The following MYOM1 variants were observed in gnomAD, a reference collection of about 807,000 sequenced individuals.
The protein encoded by MYOM1 is myomesin 1.
In MYOM1, 164 loss-of-function variants were observed where a neutral mutation model predicts 205.3. The ratio of observed to expected loss-of-function variants is 0.80; its 90% CI spans 0.70 to 0.91. The LOEUF is 0.91. Among genes scored for constraint, MYOM1 ranks in the 40% least tolerant of loss-of-function variants. The pLI, the probability that MYOM1 is intolerant of heterozygous loss-of-function variation, is 0.00. For synonymous variants in MYOM1, 772 were observed against 789.4 expected, an observed-to-expected ratio of 0.98 and a Z score of 0.37; for missense variants, 2,011 against 2,127.3, an observed-to-expected ratio of 0.95 and a Z score of 1.08.
intron 3 of MYOM1, among the ~76,000 whole-genome samples, chr18:3,193,316 A>ACG (rs2080940869): frequency 6.8e-6 from 1 of 146,434 alleles, no homozygotes; most frequent in Admixed American, 6.8e-5. Context: ...ATATATATGT[A>ACG]TATGTACATA....
Position 3,136,060 on chromosome 18 carries a change from T to C in MYOM1, c.2026-330A>G, listed in dbSNP as rs191884501. On this transcript the variant is annotated intron_variant, in intron 14 of 37. Transcript: ENST00000356443. ...TTCCCCCATACTGTTCTCGTGGTAG[T>C]GAGTAAGTCTCATGAGAGCTGATGG... Among the ~76,000 whole-genome samples, 88 of 152,234 alleles carry C rather than the reference T, an allele frequency of 5.8e-4. No individual in the cohort carries two copies. In the East Asian group the frequency reaches 0.015, roughly 26 times the overall value.
chr18:3,222,778 G>A (rs1471770780), upstream of MYOM1, among the ~76,000 whole-genome samples: 3 of 152,160 alleles, frequency 2.0e-5, no homozygotes, highest in Non-Finnish European at 4.4e-5. Context: ...AGGCAGCATA[G>A]TATCATATAT....
chr18:3,239,704 C>A, the MYOM1 span, among the ~76,000 whole-genome samples: 1 of 144,930 alleles, frequency 6.9e-6, no homozygotes, highest in Non-Finnish European at 1.5e-5. Flanking sequence ...CTGCAGTGAG[C>A]CATGATGGTA....
chr18:3,178,390 G>A (rs2080680775), intron 5 of MYOM1, among the ~76,000 whole-genome samples: 1 of 152,200 alleles, frequency 6.6e-6, no homozygotes, highest in African/African-American at 2.4e-5. Flanking sequence ...ATTTGAACCG[G>A]CAGCCTGGCT....
chr18:3,151,592 T>C, intron 12 of MYOM1, 102 bp downstream of exon 12: 2 of 991,314 alleles, frequency 2.0e-6, no homozygotes, highest in Non-Finnish European at 2.9e-6. Context: ...TGTTCTTGTC[T>C]CCCTCTAGTG....
At chr18:3,150,208 C>T (rs1467092296) in intron 12 of MYOM1, among the ~76,000 whole-genome samples, 16 of 152,192 alleles carry the variant, frequency 1.1e-4, no homozygotes, top group African/African-American at 3.4e-4. Context: ...TACAGGCGCC[C>T]GCCACCACGC....
intron 34 of MYOM1, among the ~76,000 whole-genome samples, chr18:3,078,044 ATTT>A (rs143642028): frequency 1.4e-5 from 2 of 145,910 alleles, no homozygotes; most frequent in African/African-American, 2.5e-5. Flanking sequence ...TTGAGGTTGT[ATTT>A]TTTTTTTTTT....
chr18:3,172,465 A>G (rs1219908379), intron 8 of MYOM1, among the ~76,000 whole-genome samples: 1 of 151,294 alleles, frequency 6.6e-6, no homozygotes, highest in African/African-American at 2.4e-5. Context: ...TCAATAGGCC[A>G]CTCCTGGGGA....
chr18:3,121,961 A>G (rs1360198958), intron 19 of MYOM1, among the ~76,000 whole-genome samples: 5 of 152,138 alleles, frequency 3.3e-5, no homozygotes, highest in South Asian at 2.1e-4. Flanking sequence ...TCTTCTAAAA[A>G]TACAAAAATT....
chr18:3,118,034 T>A (rs1194067846), intron 20 of MYOM1, among the ~76,000 whole-genome samples: 8 of 152,222 alleles, frequency 5.3e-5, no homozygotes. Context: ...AACTATGCTC[T>A]GCTGTTTCCT....
chr18:3,169,696 G>A (rs925646061), intron 8 of MYOM1, among the ~76,000 whole-genome samples: 3 of 152,188 alleles, frequency 2.0e-5, no homozygotes, highest in Admixed American at 6.5e-5. Context: ...TACGCTGTTG[G>A]TGGGAACGTA....
At chr18:3,078,250 C>G (rs1187156738) in intron 34 of MYOM1, among the ~76,000 whole-genome samples, 1 of 151,974 alleles carries the variant, frequency 6.6e-6, no homozygotes, top group South Asian at 2.1e-4. Flanking sequence ...CCATGTTGGC[C>G]AGGCTGGTGT....
At chr18:3,182,942 T>TG (rs2080759560) in intron 5 of MYOM1, among the ~76,000 whole-genome samples, 1 of 144,676 alleles carries the variant, frequency 6.9e-6, no homozygotes, top group African/African-American at 2.6e-5. Flanking sequence ...TTTTTTTTTT[T>TG]GAGACAGAGT....
At chr18:3,139,692 A>C (rs755717921) in intron 14 of MYOM1, among the ~76,000 whole-genome samples, 5 of 152,138 alleles carry the variant, frequency 3.3e-5, no homozygotes, top group Non-Finnish European at 7.4e-5. Context: ...TGTCCTCAAT[A>C]CCCAACATCC....
chr18:3,164,940 T>C (rs974690760), intron 9 of MYOM1, among the ~76,000 whole-genome samples: 8 of 105,922 alleles, frequency 7.6e-5, no homozygotes, highest in Admixed American at 3.0e-4. Flanking sequence ...TTTAGCAACT[T>C]CATTTTAAAT....
intron 21 of MYOM1, among the ~76,000 whole-genome samples, chr18:3,114,111 T>TTTCCAGAAGAACTGTG (rs2079568276): frequency 1.3e-5 from 2 of 152,216 alleles, no homozygotes; most frequent in South Asian, 4.1e-4. Context: ...AAACTGTGGA[T>TTTCCAGAAGAACTGTG]TTCCAGAAGA....
At chr18:3,082,379 G>C (rs2079094398) in intron 33 of MYOM1, among the ~76,000 whole-genome samples, 1 of 152,156 alleles carries the variant, frequency 6.6e-6, no homozygotes, top group Non-Finnish European at 1.5e-5. Flanking sequence ...CCTTAGGCCG[G>C]TCACCTCCCC....
intron 37 of MYOM1, among the ~76,000 whole-genome samples, chr18:3,069,198 GT>G (rs1447211746): frequency 1.3e-5 from 2 of 152,140 alleles, no homozygotes; most frequent in Non-Finnish European, 2.9e-5. Flanking sequence ...CCCACCATTT[GT>G]TGTTGTACAC....
rs188155898 is a variant in MYOM1, at chr18:3,188,835, G to A, written c.684C>T (p.Ser228=). The A allele has an allele frequency of 3.0e-4, 486 of 1,613,026 alleles. 1 individual carries two copies. In the African/African-American group the frequency reaches 5.3e-3, roughly 17 times the overall value. Residue 228 remains serine (S), a synonymous_variant, in exon 4 of 38, where the codon TCC becomes TCT. Transcript: ENST00000356443. ...RQSVVSKQAT[S]ALQQEETSEK... ...CAGAAGTTTCTTCCTGTTGAAGAGC[G>A]GATGTGGCCTGTTTGGAAACCACAG...
Sources: allele counts gnomAD v4.1 joint callset (sites outside exome capture counted in the v4.1 genomes callset), GRCh38; gene constraint gnomAD v4.1.1; transcripts MANE v1.5; gene names NCBI Gene and HGNC (gene_info 2026-07-23, HGNC 2026-07-21).